The following THSD4 variants were observed in gnomAD, a reference collection of about 807,000 sequenced individuals.
The protein encoded by THSD4 is thrombospondin type-1 domain-containing protein 4.
A neutral mutation model predicts 119.0 loss-of-function variants in THSD4; 69 were observed. That is an observed-to-expected ratio of 0.58 (90% confidence interval 0.48 to 0.71). The LOEUF is 0.71. THSD4 is among the 30% of genes least tolerant of loss of function. The pLI, the probability that THSD4 is intolerant of heterozygous loss-of-function variation, is 0.00. For synonymous variants in THSD4, 524 were observed against 540.4 expected (o/e 0.97, Z 0.42); for missense variants, 1,393 against 1,391.1 (o/e 1.00, Z -0.02).
intron 6 of THSD4, among the ~76,000 whole-genome samples, chr15:71,334,919 A>T (rs896045504): frequency 1.3e-5 from 2 of 152,330 alleles, no homozygotes; most frequent in East Asian, 3.9e-4. Context: ...GAAGCTGCAC[A>T]TTCAGAAACA....
At chr15:71,197,849 T>C (rs2043733599) in intron 3 of THSD4, among the ~76,000 whole-genome samples, 1 of 151,908 alleles carries the variant, frequency 6.6e-6, no homozygotes, top group African/African-American at 2.4e-5. Context: ...CAAGTGGTTA[T>C]AGGGTGCTGG....
intron 8 of THSD4, among the ~76,000 whole-genome samples, chr15:71,724,916 T>C (rs535143253): frequency 5.3e-4 from 13 of 24,440 alleles, no homozygotes; most frequent in African/African-American, 9.4e-4. Flanking sequence ...GAGGCCGGGG[T>C]TGGGTTCAGC....
intron 6 of THSD4, among the ~76,000 whole-genome samples, chr15:71,375,233 G>C (rs2046116518): frequency 6.6e-6 from 1 of 152,228 alleles, no homozygotes; most frequent in South Asian, 2.1e-4. Context: ...AGATGAGGCA[G>C]AGTATGTGCA....
intron 15 of THSD4, among the ~76,000 whole-genome samples, chr15:71,758,936 C>G (rs1244181949): frequency 6.6e-6 from 1 of 152,112 alleles, no homozygotes; most frequent in Non-Finnish European, 1.5e-5. Context: ...TTGCCTTAAC[C>G]CAGTCACCCC....
chr15:71,459,685 T>C (rs12442029), intron 7 of THSD4, among the ~76,000 whole-genome samples: 1,566 of 152,260 alleles, frequency 0.01, 61 homozygotes, highest in Admixed American at 0.057. Flanking sequence ...TATTAAAATA[T>C]ATACAAACTT....
intron 3 of THSD4, among the ~76,000 whole-genome samples, chr15:71,159,451 G>A (rs1344699394): frequency 2.0e-5 from 3 of 152,030 alleles, no homozygotes; most frequent in African/African-American, 7.2e-5. Flanking sequence ...CTATGAACAT[G>A]GGTTATTATC....
intron 1 of THSD4, among the ~76,000 whole-genome samples, chr15:71,103,231 T>G (rs569780147): frequency 6.6e-6 from 1 of 152,134 alleles, no homozygotes; most frequent in East Asian, 1.9e-4. Context: ...GTGGTTTCAA[T>G]ATCATTTCTG....
intron 6 of THSD4, among the ~76,000 whole-genome samples, chr15:71,409,161 C>CA (rs954005024): frequency 9.3e-5 from 14 of 150,776 alleles, no homozygotes; most frequent in African/African-American, 2.9e-4. Flanking sequence ...TTTTTCCCCC[C>CA]CCCTCAGAAT....
chr15:71,180,539 G>T (rs917319010), intron 3 of THSD4, among the ~76,000 whole-genome samples: 2 of 152,122 alleles, frequency 1.3e-5, no homozygotes, highest in South Asian at 2.1e-4. Context: ...TTATCAAATT[G>T]TATGCTTCAA....
At chr15:71,314,329 G>A (rs2045156100) in intron 6 of THSD4, among the ~76,000 whole-genome samples, 1 of 151,826 alleles carries the variant, frequency 6.6e-6, no homozygotes, top group African/African-American at 2.4e-5. Flanking sequence ...ATTATTGGCG[G>A]CGGAGTCTCA....
chr15:71,341,416 C>T (rs2045572861), intron 6 of THSD4: 3 of 1,612,686 alleles, frequency 1.9e-6, no homozygotes, highest in Non-Finnish European at 2.5e-6. Flanking sequence ...CAGCATTACT[C>T]TCTGCGTTTT....
At chr15:71,218,912 A>G (rs943904180) in intron 4 of THSD4, among the ~76,000 whole-genome samples, 2 of 152,234 alleles carry the variant, frequency 1.3e-5, no homozygotes, top group Non-Finnish European at 2.9e-5. Context: ...TTAAACATCT[A>G]CTATGTTGTA....
chr15:71,641,013 A>T (rs1040406982), intron 7 of THSD4, among the ~76,000 whole-genome samples: 8 of 147,020 alleles, frequency 5.4e-5, no homozygotes, highest in Non-Finnish European at 1.1e-4. Flanking sequence ...ACACACACAC[A>T]CTTACACACT....
chr15:71,620,635 A>T (rs976259361), intron 7 of THSD4, among the ~76,000 whole-genome samples: 1 of 152,164 alleles, frequency 6.6e-6, no homozygotes, highest in African/African-American at 2.4e-5. Context: ...CTTATTAATG[A>T]TAGTGGTGAC....
At chr15:71,465,211 G>C (rs2047482995) in intron 7 of THSD4, among the ~76,000 whole-genome samples, 1 of 152,056 alleles carries the variant, frequency 6.6e-6, no homozygotes. Context: ...AAGAAAACAA[G>C]GTTTTTATTA....
At chr15:71,752,868 C>T (rs1265911884) in intron 14 of THSD4, among the ~76,000 whole-genome samples, 1 of 152,192 alleles carries the variant, frequency 6.6e-6, no homozygotes, top group Admixed American at 6.5e-5. Flanking sequence ...CAGCGGATGG[C>T]AGTCTTCCAC....
chr15:71,355,707 C>G (rs2140412627), intron 6 of THSD4, among the ~76,000 whole-genome samples: 1 of 152,160 alleles, frequency 6.6e-6, no homozygotes, highest in African/African-American at 2.4e-5. Context: ...CTGTGGAGAG[C>G]TCAATTAATG....
At chr15:71,484,627 G>T (rs970630827) in intron 7 of THSD4, among the ~76,000 whole-genome samples, 1 of 152,138 alleles carries the variant, frequency 6.6e-6, no homozygotes, top group East Asian at 1.9e-4. Context: ...ACTTGGGAAG[G>T]TTCAAAGTCG....
chr15:71,256,418 T>G (rs1435708664), intron 5 of THSD4, among the ~76,000 whole-genome samples, 195 bp from the exon 6 acceptor site: 3 of 149,598 alleles, frequency 2.0e-5, no homozygotes, highest in Non-Finnish European at 3.0e-5. Context: ...GAGGTTGCAG[T>G]GAGCCGAGAT....
Sources: gnomAD v4.1 joint callset for allele counts (sites outside exome capture counted in the v4.1 genomes callset) on GRCh38, gnomAD v4.1.1 for gene constraint, MANE v1.5 for transcripts, NCBI Gene and HGNC (gene_info 2026-07-23, HGNC 2026-07-21) for gene names.